The following AFF3 variants were observed in gnomAD, a reference collection of about 807,000 sequenced individuals.
The protein encoded by AFF3 is AF4/FMR2 family member 3.
Under a neutral mutation model 129.7 loss-of-function variants are expected in AFF3, and 32 were observed. That is an observed-to-expected ratio of 0.25 (90% CI 0.19 to 0.33). The LOEUF (loss-of-function observed/expected upper bound fraction) is 0.33. AFF3 is among the 10% of genes least tolerant of loss of function. AFF3 has a pLI of 1.00. For missense variants in AFF3, 1,373 were observed against 1,592.0 expected, an observed-to-expected ratio of 0.86 and a Z score of 2.34; for synonymous variants, 644 against 635.4, an observed-to-expected ratio of 1.01 and a Z score of -0.20.
chr2:99,837,768 C>T (rs1047227377), intron 7 of AFF3, among the ~76,000 whole-genome samples: 8 of 152,076 alleles, frequency 5.3e-5, no homozygotes, highest in Admixed American at 2.6e-4. Context: ...ACTGTGGCCC[C>T]TCCAACCACC....
At chr2:99,921,889 A>C (rs1695880089) in intron 7 of AFF3, among the ~76,000 whole-genome samples, 1 of 152,228 alleles carries the variant, frequency 6.6e-6, no homozygotes, top group Admixed American at 6.5e-5. Flanking sequence ...ACACTATAAA[A>C]GATAGGCAAA....
chr2:100,092,385 C>G (rs1689929760), intron 4 of AFF3, among the ~76,000 whole-genome samples: 1 of 152,162 alleles, frequency 6.6e-6, no homozygotes, highest in Non-Finnish European at 1.5e-5. Context: ...AGCCCTCACT[C>G]CTCACTGACC....
chr2:99,935,146 T>G (rs915724793), intron 7 of AFF3, among the ~76,000 whole-genome samples: 1 of 152,252 alleles, frequency 6.6e-6, no homozygotes, highest in African/African-American at 2.4e-5. Flanking sequence ...AAATGTCTAC[T>G]GCCTTCTCTT....
intron 2 of AFF3, among the ~76,000 whole-genome samples, chr2:100,123,000 T>A (rs1303178170): frequency 6.6e-6 from 1 of 152,250 alleles, no homozygotes; most frequent in Non-Finnish European, 1.5e-5. Context: ...TATTTTTGAA[T>A]TTTTATGAGT....
intron 7 of AFF3, among the ~76,000 whole-genome samples, chr2:99,914,033 A>AATGCT (rs1226350706): frequency 6.6e-6 from 1 of 152,184 alleles, no homozygotes; most frequent in Non-Finnish European, 1.5e-5. Context: ...ACCACCAACG[A>AATGCT]ATGCTAAAAG....
intron 7 of AFF3, among the ~76,000 whole-genome samples, chr2:99,893,264 A>G (rs992745466): frequency 4.6e-5 from 7 of 152,244 alleles, no homozygotes; most frequent in Non-Finnish European, 8.8e-5. Flanking sequence ...AATATATCTG[A>G]TTATATGAAT....
chr2:99,900,692 G>T (rs1414830102), intron 7 of AFF3, among the ~76,000 whole-genome samples: 1 of 152,156 alleles, frequency 6.6e-6, no homozygotes, highest in Admixed American at 6.5e-5. Context: ...GAAGTGTCTG[G>T]GTGGCCAGAC....
chr2:100,043,053 AT>A (rs910194763), intron 4 of AFF3, among the ~76,000 whole-genome samples: 6 of 151,210 alleles, frequency 4.0e-5, no homozygotes, highest in African/African-American at 9.7e-5. Flanking sequence ...AACACAGAGA[AT>A]TTTTTTTTAG....
intron 7 of AFF3, among the ~76,000 whole-genome samples, chr2:99,967,888 C>T (rs1677948529): frequency 6.6e-6 from 1 of 152,214 alleles, no homozygotes; most frequent in South Asian, 2.1e-4. Flanking sequence ...AGCTGGTGTC[C>T]CTGACTGCCG....
At chr2:100,078,499 C>T (rs761691988) in intron 4 of AFF3, among the ~76,000 whole-genome samples, 1 of 152,106 alleles carries the variant, frequency 6.6e-6, no homozygotes, top group Non-Finnish European at 1.5e-5. Context: ...TTGGATTTGA[C>T]CCAAGCACAT....
At chr2:99,712,106 C>CT (rs1414903892) in intron 11 of AFF3, among the ~76,000 whole-genome samples, 1 of 152,184 alleles carries the variant, frequency 6.6e-6, no homozygotes, top group Non-Finnish European at 1.5e-5. Context: ...TCACTGAAAA[C>CT]TTCCCTTCTC....
chr2:99,836,392 A>T lies in AFF3; in HGVS notation c.921+1085T>A, dbSNP rs545517182. 2.6e-5 allele frequency among the ~76,000 whole-genome samples: 4 copies of T among 152,322 alleles called. No homozygotes were observed. In the East Asian group the frequency reaches 7.7e-4, roughly 29 times the overall value. On this transcript the variant is annotated intron_variant, in intron 8 of 24. Transcript: ENST00000672756. ...AGACAATATAGATATAAAATATACT[A>T]TGTATTTTATTTAACATATACTTAT...
intron 7 of AFF3, among the ~76,000 whole-genome samples, chr2:99,918,659 G>A (rs996973715): frequency 2.6e-5 from 4 of 152,182 alleles, no homozygotes; most frequent in African/African-American, 7.2e-5. Flanking sequence ...GACTGTTACA[G>A]TCAGTGCTAA....
chr2:99,640,467 G>A (rs890254763), intron 13 of AFF3, among the ~76,000 whole-genome samples: 2 of 152,114 alleles, frequency 1.3e-5, no homozygotes, highest in African/African-American at 4.8e-5. Flanking sequence ...GTAGCATCCT[G>A]CTTCTGCAAC....
At chr2:100,128,856 A>G (rs1467345958) in intron 2 of AFF3, among the ~76,000 whole-genome samples, 2 of 152,190 alleles carry the variant, frequency 1.3e-5, no homozygotes, top group Non-Finnish European at 2.9e-5. Context: ...GAGGATGGTT[A>G]GAATAGATGA....
At chr2:99,605,716 T>C (rs1680265098) in intron 13 of AFF3, among the ~76,000 whole-genome samples, 4 of 152,110 alleles carry the variant, frequency 2.6e-5, no homozygotes. Flanking sequence ...TCTATAGAAT[T>C]TGTTGTTGCC....
chr2:99,744,290 G>C, intron 9 of AFF3, 150 bp from the exon 10 acceptor site: 1 of 604,358 alleles, frequency 1.7e-6, no homozygotes, highest in South Asian at 2.4e-5. Flanking sequence ...TATACATGAA[G>C]GTGGACACAT....
intron 13 of AFF3, chr2:99,630,906 C>A: frequency 5.7e-6 from 2 of 350,170 alleles, no homozygotes; most frequent in South Asian, 2.3e-5. Context: ...CAGGCGTGTT[C>A]TGGGCTCACC....
At chr2:99,731,114 CA>C (rs777666267) in intron 10 of AFF3, among the ~76,000 whole-genome samples, 2 of 151,958 alleles carry the variant, frequency 1.3e-5, no homozygotes, top group African/African-American at 2.4e-5. Flanking sequence ...CATGCCAAAA[CA>C]CCTGGCTAAT....
Sources: allele counts gnomAD v4.1 joint callset (sites outside exome capture counted in the v4.1 genomes callset), GRCh38; gene constraint gnomAD v4.1.1; transcripts MANE v1.5; gene names NCBI Gene and HGNC (gene_info 2026-07-23, HGNC 2026-07-21).